ZNF471: variants seen among roughly 807,000 people sequenced by gnomAD.
ZNF471 encodes zinc finger protein 471.
Under a neutral mutation model 13.7 loss-of-function variants are expected in ZNF471, and 7 were observed. The ratio of observed to expected loss-of-function variants is 0.51; its 90% CI spans 0.29 to 0.96. ZNF471 has a LOEUF of 0.96. Among genes scored for constraint, ZNF471 ranks in the 40% least tolerant of loss-of-function variants. The probability of loss-of-function intolerance (pLI) is 0.08; values close to 1 mark genes in which losing one functional copy is unlikely to be tolerated. For synonymous variants in ZNF471, 218 were observed against 235.6 expected (o/e 0.93, Z 0.68); for missense variants, 663 against 743.3 (o/e 0.89, Z 1.26).
rs542760952 is a variant in ZNF471, at chr19:56,510,888, G to C, written c.-55-629G>C. On this transcript the variant is annotated intron_variant, in intron 1 of 4. Coordinates refer to ENST00000308031, the MANE Select transcript of ZNF471 (RefSeq NM_020813.4). This position sits in a 1 kb window ranked among gnomAD's most constrained non-coding sequence, Gnocchi z 4.3. ...TGAAGCAGGAGACACCCTCACTTCT[G>C]TGTGACAGGAGGGTAATTAAGGGGC... 22 of 985,394 alleles carry C rather than the reference G, an allele frequency of 2.2e-5. No homozygotes were observed. The highest frequency in any genetic ancestry group is 3.6e-6 in the Non-Finnish European group (3 of 829,996). 61.0% of individuals were successfully genotyped at this position (985,394 alleles called of 1,614,324 possible). A position where few individuals can be genotyped will look rare whatever the true frequency, so the allele number is the denominator to read the frequency against.
At position 56,524,861 on chromosome 19, in the gene ZNF471, A is replaced by G; in HGVS notation, c.794A>G (p.Lys265Arg). The change falls in exon 5 of 5, where the codon AAA becomes AGA. Residue 265 changes from lysine (K) to arginine (R), a missense_variant. Transcript: ENST00000308031. This position sits in a 1 kb window ranked among gnomAD's most constrained non-coding sequence, Gnocchi z 4.8. ...THTGEKLFEC[K>R]ECRKAFKQSE... ...ACTGGAGAGAAACTCTTTGAATGTA[A>G]AGAATGTAGGAAAGCCTTCAAACAA... is the stretch of plus-strand genomic sequence containing the variant. The G allele has an allele frequency of 6.2e-7, 1 of 1,610,606 alleles. No homozygotes were observed. The highest frequency in any genetic ancestry group is 8.5e-7 in the Non-Finnish European group (1 of 1,178,498).
At position 56,528,708 on chromosome 19, in the gene ZNF471, A is replaced by G. The variant is rs898441033; in HGVS notation, c.*2760A>G. Reference sequence around the variant, plus strand: ...ATAGAACATGTTTTAAGAAGTGGCTATATAGCTCTGGATAAAACGAACAAA... The same window carrying G: ...ATAGAACATGTTTTAAGAAGTGGCTGTATAGCTCTGGATAAAACGAACAAA... On this transcript the variant is annotated 3_prime_UTR_variant, in exon 5 of 5. Coordinates refer to ENST00000308031, the MANE Select transcript of ZNF471 (RefSeq NM_020813.4). 7.9e-5 allele frequency: 12 copies of G among 152,264 alleles called. No homozygotes were observed. Among genetic ancestry groups the G allele is most frequent in the Non-Finnish European group, 1.5e-4 (10 of 68,048 alleles). 9.4% of individuals were successfully genotyped at this position (152,264 alleles called of 1,614,324 possible). A position where few individuals can be genotyped will look rare whatever the true frequency, so the allele number is the denominator to read the frequency against.
In ZNF471 at chr19:56,525,476, A is replaced by G. The variant is rs1163820738; in HGVS notation, c.1409A>G (p.Gln470Arg). 4 of 1,614,218 alleles carry G rather than the reference A, an allele frequency of 2.5e-6. No individual in the cohort carries two copies. The highest frequency in any genetic ancestry group is 1.7e-5 in the Admixed American group (1 of 60,032). Residue 470 changes from glutamine (Q) to arginine (R), a missense_variant, in exon 5 of 5, where the codon CAG becomes CGG. Transcript: ENST00000308031. ...ECKECGKAFR[Q>R]NVHLVSHLRI... Reference sequence around the variant, plus strand: ...AAGGAATGTGGGAAAGCCTTTAGGCAGAATGTACACCTTGTTAGTCATTTG... The same window carrying G: ...AAGGAATGTGGGAAAGCCTTTAGGCGGAATGTACACCTTGTTAGTCATTTG...
chr19:56,517,812 G>C (rs2043914404), intron 3 of ZNF471, among the ~76,000 whole-genome samples: 1 of 152,128 alleles, frequency 6.6e-6, no homozygotes, highest in Admixed American at 6.5e-5. Context: ...GTTTGGTTAG[G>C]TGCATCTAGT....
chr19:56,514,778 T>C (rs190190580), intron 2 of ZNF471, among the ~76,000 whole-genome samples: 1 of 152,340 alleles, frequency 6.6e-6, no homozygotes, highest in Admixed American at 6.5e-5. Flanking sequence ...TTCCATACTG[T>C]ACTGTTTGTA....
At position 56,529,780 on chromosome 19, in the gene ZNF471, G is replaced by T. The variant is rs186394627; in HGVS notation, c.*3832G>T. 1 of 152,238 alleles carries T rather than the reference G, an allele frequency of 6.6e-6. No homozygotes were observed. Among genetic ancestry groups the T allele is most frequent in the South Asian group, 2.1e-4 (1 of 4,828 alleles). 9.4% of individuals were successfully genotyped at this position (152,238 alleles called of 1,614,324 possible). On this transcript the variant is annotated 3_prime_UTR_variant, in exon 5 of 5. Coordinates refer to ENST00000308031, the MANE Select transcript of ZNF471 (RefSeq NM_020813.4). ...AAACCAGCAGAAATTTTATGTGAATGTGAAGTTTGGATAATATCCAGTATT... is the reference window on the plus strand; with the variant it reads ...AAACCAGCAGAAATTTTATGTGAATTTGAAGTTTGGATAATATCCAGTATT...
In ZNF471 at chr19:56,525,472, A is replaced by T; in HGVS notation, c.1405A>T (p.Arg469Trp). The change falls in exon 5 of 5, where the codon AGG becomes TGG. Residue 469 changes from arginine to tryptophan, a missense_variant. Coordinates refer to ENST00000308031, the MANE Select transcript of ZNF471 (RefSeq NM_020813.4). ...ATGCAAGGAATGTGGGAAAGCCTTT[A>T]GGCAGAATGTACACCTTGTTAGTCA... ...YECKECGKAF[R>W]QNVHLVSHLR... is the part of the protein sequence containing the mutation. The T allele has an allele frequency of 6.2e-7, 1 of 1,614,204 alleles. No homozygotes were observed. Among genetic ancestry groups the T allele is most frequent in the Non-Finnish European group, 8.5e-7 (1 of 1,180,038 alleles).
chr19:56,514,059 A>ATTTTT (rs57705988), intron 2 of ZNF471, among the ~76,000 whole-genome samples: 2 of 116,690 alleles, frequency 1.7e-5, no homozygotes, highest in Admixed American at 8.9e-5. Flanking sequence ...TAACTTTTTA[A>ATTTTT]TTTTTTTTTT....
Position 56,516,370 on chromosome 19 carries a change from G to A in ZNF471, c.129G>A (p.Met43Ile), listed in dbSNP as rs200580485. The A allele has an allele frequency of 3.7e-6, 6 of 1,613,678 alleles. No individual in the cohort carries two copies. Among genetic ancestry groups the A allele is most frequent in the Non-Finnish European group, 2.5e-6 (3 of 1,179,804 alleles). ...PAQKRLYRSM[M>I]LENYQSLVSL... is the part of the protein sequence containing the mutation. ...AGAAGCGTTTATACAGGAGTATGATGTTGGAGAACTATCAGAGCCTGGTAT... is the reference window on the plus strand; with the variant it reads ...AGAAGCGTTTATACAGGAGTATGATATTGGAGAACTATCAGAGCCTGGTAT... Residue 43 changes from methionine to isoleucine, a missense_variant, in exon 3 of 5, where the codon ATG (methionine) becomes ATA (isoleucine). Coordinates refer to ENST00000308031, the MANE Select transcript of ZNF471 (RefSeq NM_020813.4). This position sits in a 1 kb window ranked among gnomAD's most constrained non-coding sequence, Gnocchi z 4.4.
rs1199698538 is a variant in ZNF471, at chr19:56,516,331, GA to G, written c.91del (p.Met31Ter). 1.2e-6 allele frequency: 2 copies of G among 1,613,800 alleles called. No individual in the cohort carries two copies. The highest frequency in any genetic ancestry group is 1.7e-6 in the Non-Finnish European group (2 of 1,179,860). On this transcript the variant is annotated frameshift_variant, in exon 3 of 5. Transcript: ENST00000308031. LOFTEE classifies it high-confidence loss of function. This position sits in a 1 kb window ranked among gnomAD's most constrained non-coding sequence, Gnocchi z 4.4. ...IDFSQEEWQWMNPAQKRLYRS... is the reference protein window; with the variant it reads ...IDFSQEEWQWXNPAQKRLYRS... ...ATTTTTCCCAGGAAGAATGGCAATG[GA>G]TGAACCCTGCTCAGAAGCGTTTATA...
rs2043925282 is a variant in ZNF471, at chr19:56,518,539, G to A, written c.218G>A (p.Trp73Ter). 6.2e-7 allele frequency: 1 copy of A among 1,613,588 alleles called. No homozygotes were observed. The highest frequency in any genetic ancestry group is 8.5e-7 in the Non-Finnish European group (1 of 1,179,866). Residue 73 changes from tryptophan to a stop codon, truncating the protein, a stop_gained, in exon 4 of 5, where the codon TGG becomes TAG. Transcript: ENST00000308031. LOFTEE classifies it low-confidence loss of function (END_TRUNC). ...TTATTGGAGCAAGGGAGAGAGCCTTGGGAGATGACGAGTGAGATGACAAGA... is the reference window on the plus strand; with the variant it reads ...TTATTGGAGCAAGGGAGAGAGCCTTAGGAGATGACGAGTGAGATGACAAGA... ...ISLLEQGREP[W>*]EMTSEMTRSP...
intron 4 of ZNF471, among the ~76,000 whole-genome samples, chr19:56,521,745 T>C (rs951154336): frequency 6.7e-6 from 1 of 149,204 alleles, no homozygotes; most frequent in African/African-American, 2.5e-5. Flanking sequence ...CAGCAGGAGT[T>C]CCAGACCAGC....
chr19:56,518,155 GAT>G (rs901622310), intron 3 of ZNF471, among the ~76,000 whole-genome samples: 1 of 152,084 alleles, frequency 6.6e-6, no homozygotes, highest in African/African-American at 2.4e-5. Flanking sequence ...AAAGAGTATT[GAT>G]TTTTTTCTAA....
chr19:56,509,923 G>A (rs966879141), intron 1 of ZNF471: 1 of 985,374 alleles, frequency 1.0e-6, no homozygotes, highest in Non-Finnish European at 1.2e-6. Context: ...AGATGTGCCT[G>A]TGTGAAAGAT....
At chr19:56,521,604 ACTCCAG>A (rs1230674665) in intron 4 of ZNF471, among the ~76,000 whole-genome samples, 2 of 137,386 alleles carry the variant, frequency 1.5e-5, no homozygotes, top group African/African-American at 2.8e-5. Context: ...GCGCCACTGC[ACTCCAG>A]CCCGGGCAAC....
At position 56,508,252 on chromosome 19, in the gene ZNF471, T is replaced by TGTGTGTGTGTGTGTGTGTGTGTGTGA. The variant is rs10691807; in HGVS notation, c.-56+333_-56+334insTGTGTGTGTGTGTGTGTGTGTGTGAG. On this transcript the variant is annotated intron_variant, in intron 1 of 4. Transcript: ENST00000308031. This position sits in a 1 kb window ranked among gnomAD's most constrained non-coding sequence, Gnocchi z 4.7. Reference sequence around the variant, plus strand: ...TTCTGTGTGTGTGTGTGTGTGTGTGTGACAGACCGAGAGTCCAGTGTGAGA... The same window carrying TGTGTGTGTGTGTGTGTGTGTGTGTGA: ...TTCTGTGTGTGTGTGTGTGTGTGTGTGTGTGTGTGTGTGTGTGTGTGTGTGAGACAGACCGAGAGTCCAGTGTGAGA... The TGTGTGTGTGTGTGTGTGTGTGTGTGA allele has an allele frequency of 1.3e-5, 10 of 764,486 alleles. No homozygotes were observed. The African/African-American group carries it at 2.0e-4, about 15-fold the overall frequency. The allele number at this position is 764,486 out of a possible 1,614,324, so 47.4% of individuals were successfully genotyped here.
chr19:56,511,090 C>CTT (rs1041719333), intron 1 of ZNF471: 28 of 847,818 alleles, frequency 3.3e-5, no homozygotes, highest in Non-Finnish European at 3.4e-5. Flanking sequence ...TTTCCTTTTT[C>CTT]TTTTGTTTTT....
intron 1 of ZNF471, chr19:56,509,655 C>G (rs1312727669): frequency 3.1e-5 from 3 of 96,162 alleles, no homozygotes; most frequent in Non-Finnish European, 6.8e-5. Context: ...ACCTGGTATT[C>G]ACTGGGTTGC....
intron 1 of ZNF471, chr19:56,511,065 A>G (rs183875012): frequency 5.1e-6 from 5 of 973,390 alleles, no homozygotes; most frequent in East Asian, 2.3e-4. Flanking sequence ...CTCTGGTGGC[A>G]TTTGGGAGTC....
Sources: gnomAD v4.1 joint callset for allele counts (sites outside exome capture counted in the v4.1 genomes callset) on GRCh38, gnomAD v4.1.1 for gene constraint, Gnocchi (gnomAD v3.1) non-coding constraint, MANE v1.5 for transcripts, NCBI Gene and HGNC (gene_info 2026-07-23, HGNC 2026-07-21) for gene names.